The following SPAG16 variants were observed in gnomAD, a reference collection of about 807,000 sequenced individuals.
SPAG16 encodes sperm associated antigen 16, also known as sperm-associated antigen 16 protein.
SPAG16 carries 86 observed loss-of-function variants against 80.4 expected under a neutral mutation model. The ratio of observed to expected loss-of-function variants is 1.07; its 90% CI spans 0.90 to 1.28. The LOEUF (loss-of-function observed/expected upper bound fraction) is 1.28. Among genes scored for constraint, SPAG16 ranks in the 50% most tolerant of loss-of-function variants. The pLI, the probability that SPAG16 is intolerant of heterozygous loss-of-function variation, is 0.00. For missense variants in SPAG16, 870 were observed against 765.3 expected (o/e 1.14, Z -1.61); for synonymous variants, 294 against 265.9 (o/e 1.11, Z -1.03).
intron 13 of SPAG16, among the ~76,000 whole-genome samples, chr2:214,062,648 C>A (rs114875755): frequency 0.023 from 3,455 of 149,386 alleles, 91 homozygotes; most frequent in South Asian, 0.13. Flanking sequence ...CACCACCGCA[C>A]CTGTTGTAAT....
At chr2:213,473,305 C>A (rs2073185809) in intron 9 of SPAG16, among the ~76,000 whole-genome samples, 1 of 152,160 alleles carries the variant, frequency 6.6e-6, no homozygotes, top group Non-Finnish European at 1.5e-5. Context: ...TGGTCCCTGC[C>A]ATCTCAGGAT....
chr2:213,629,521 G>A (rs189226043), intron 10 of SPAG16, among the ~76,000 whole-genome samples: 14 of 152,266 alleles, frequency 9.2e-5, no homozygotes, highest in African/African-American at 3.4e-4. Flanking sequence ...ATAATTTAGA[G>A]CCTGTTACAT....
intron 15 of SPAG16, among the ~76,000 whole-genome samples, chr2:214,371,021 C>G (rs539006518): frequency 6.6e-6 from 1 of 152,208 alleles, no homozygotes; most frequent in Non-Finnish European, 1.5e-5. Context: ...TGCTCCAGAT[C>G]GCATTAGAGT....
At chr2:214,290,614 A>G (rs973887394) in intron 15 of SPAG16, among the ~76,000 whole-genome samples, 4 of 151,904 alleles carry the variant, frequency 2.6e-5, no homozygotes, top group African/African-American at 7.2e-5. Context: ...TTTGATTTCC[A>G]TCTTAGTTTC....
chr2:213,311,862 T>C (rs2063199936), intron 4 of SPAG16, among the ~76,000 whole-genome samples: 2 of 151,488 alleles, frequency 1.3e-5, no homozygotes, highest in Non-Finnish European at 3.0e-5. Flanking sequence ...ACTTAATCTT[T>C]CAAAACATGA....
chr2:213,852,509 T>G (rs2105912983), intron 10 of SPAG16, among the ~76,000 whole-genome samples: 1 of 152,292 alleles, frequency 6.6e-6, no homozygotes, highest in South Asian at 2.1e-4. Flanking sequence ...TTCTCTTCAG[T>G]CACCTCGGCT....
intron 13 of SPAG16, among the ~76,000 whole-genome samples, chr2:214,031,452 G>C (rs79555473): frequency 1.1e-5 from 1 of 87,160 alleles, no homozygotes; most frequent in African/African-American, 4.4e-5. Flanking sequence ...GTGGGGGGAG[G>C]GGGGAGGGGG....
chr2:213,688,160 G>T (rs1419592715), intron 10 of SPAG16, among the ~76,000 whole-genome samples: 1 of 152,166 alleles, frequency 6.6e-6, no homozygotes, highest in African/African-American at 2.4e-5. Context: ...GTTGACAATT[G>T]GTTGAGTTTG....
intron 6 of SPAG16, among the ~76,000 whole-genome samples, chr2:213,349,327 A>T (rs2125035340): frequency 6.6e-6 from 1 of 152,314 alleles, no homozygotes; most frequent in Admixed American, 6.5e-5. Context: ...TAAGAGCTGA[A>T]ATCAATAAAA....
chr2:213,533,354 T>TAA (rs1448771771), intron 10 of SPAG16, among the ~76,000 whole-genome samples: 1 of 152,164 alleles, frequency 6.6e-6, no homozygotes, highest in East Asian at 1.9e-4. Flanking sequence ...GACCTTCACT[T>TAA]TTATTGAGTA....
At chr2:213,625,321 A>G (rs924325840) in intron 10 of SPAG16, among the ~76,000 whole-genome samples, 3 of 152,102 alleles carry the variant, frequency 2.0e-5, no homozygotes, top group African/African-American at 4.8e-5. Flanking sequence ...ACATCTTCAC[A>G]TGAGAGCAAA....
At chr2:213,615,783 G>A (rs1574502718) in intron 10 of SPAG16, among the ~76,000 whole-genome samples, 1 of 152,090 alleles carries the variant, frequency 6.6e-6, no homozygotes, top group African/African-American at 2.4e-5. Context: ...AAGAATGCAG[G>A]ACCAGCCTAT....
At chr2:213,457,650 G>C (rs1181337149) in intron 9 of SPAG16, among the ~76,000 whole-genome samples, 1 of 151,882 alleles carries the variant, frequency 6.6e-6, no homozygotes, top group Non-Finnish European at 1.5e-5. Flanking sequence ...TTTATTTTTG[G>C]TGTCTGCATG....
intron 3 of SPAG16, among the ~76,000 whole-genome samples, chr2:213,307,588 C>T (rs1243368697): frequency 1.3e-5 from 2 of 149,018 alleles, no homozygotes; most frequent in African/African-American, 5.0e-5. Flanking sequence ...GCTACATTTT[C>T]TTAATCCAGT....
chr2:214,069,702 CTTT>C (rs200275489), intron 13 of SPAG16, among the ~76,000 whole-genome samples: 6 of 150,852 alleles, frequency 4.0e-5, no homozygotes, highest in African/African-American at 1.5e-4. Flanking sequence ...CTTCTGTCAC[CTTT>C]TTTTTTGTTG....
chr2:213,362,823 C>T (rs1217399192), intron 7 of SPAG16, among the ~76,000 whole-genome samples: 2 of 152,158 alleles, frequency 1.3e-5, no homozygotes, highest in African/African-American at 4.8e-5. Flanking sequence ...TTATTTGGCG[C>T]ATGGTTCTGC....
chr2:213,704,782 G>A (rs774211400), intron 10 of SPAG16, among the ~76,000 whole-genome samples: 2 of 152,150 alleles, frequency 1.3e-5, no homozygotes, highest in Non-Finnish European at 1.5e-5. Context: ...AAGAGTTATT[G>A]GAGAGTATTA....
chr2:213,459,417 T>G lies in SPAG16; in HGVS notation c.943-30546T>G, dbSNP rs149683073. Reference sequence around the variant, plus strand: ...CTTTTACTGACATCTTGCAGGCAACTGTGCTAGAAGCACTATTAATTCCAT... The same window carrying G: ...CTTTTACTGACATCTTGCAGGCAACGGTGCTAGAAGCACTATTAATTCCAT... On this transcript the variant is annotated intron_variant, in intron 9 of 15. Coordinates refer to ENST00000331683, the MANE Select transcript of SPAG16 (RefSeq NM_024532.5). Among the ~76,000 whole-genome samples, 4 of 152,394 alleles carry G rather than the reference T, an allele frequency of 2.6e-5. No homozygotes were observed. The East Asian group carries it at 7.7e-4, about 29-fold the overall frequency.
At chr2:213,938,838 A>T (rs1186571266) in intron 12 of SPAG16, among the ~76,000 whole-genome samples, 1 of 151,488 alleles carries the variant, frequency 6.6e-6, no homozygotes, top group African/African-American at 2.4e-5. Context: ...ATGGAAAATC[A>T]TTTCTATTTA....
Sources: gnomAD v4.1 joint callset for allele counts (sites outside exome capture counted in the v4.1 genomes callset) on GRCh38, gnomAD v4.1.1 for gene constraint, MANE v1.5 for transcripts, NCBI Gene and HGNC (gene_info 2026-07-23, HGNC 2026-07-21) for gene names.